Variants in CLASP1 observed in about 807,000 individuals in gnomAD.
The protein encoded by CLASP1 is cytoplasmic linker associated protein 1, also known as CLIP-associating protein 1.
Under a neutral mutation model 192.3 loss-of-function variants are expected in CLASP1, and 38 were observed. The observed-to-expected ratio is 0.20, with a 90% CI of 0.15 to 0.26. The LOEUF (loss-of-function observed/expected upper bound fraction) is 0.26. Ranked by LOEUF, CLASP1 falls within the 10% of genes least tolerant of loss-of-function variation. CLASP1 has a pLI of 1.00. For synonymous variants in CLASP1, 691 were observed against 712.8 expected (o/e 0.97, Z 0.49); for missense variants, 1,433 against 1,932.5 (o/e 0.74, Z 4.85).
intron 12 of CLASP1, chr2:121,459,752 A>G: frequency 2.7e-6 from 1 of 366,790 alleles, no homozygotes; most frequent in East Asian, 4.0e-5. Flanking sequence ...AGTTTGAAAT[A>G]AAGACTTCAG....
intron 34 of CLASP1, among the ~76,000 whole-genome samples, chr2:121,374,543 T>C (rs2069540308): frequency 6.6e-6 from 1 of 152,200 alleles, no homozygotes; most frequent in Non-Finnish European, 1.5e-5. Context: ...TTGCACTGTG[T>C]GCCTGGAAAA....
chr2:121,363,405 T>G, intron 36 of CLASP1, 105 bp from the exon 38 acceptor site: 1 of 1,365,752 alleles, frequency 7.3e-7, no homozygotes, highest in Non-Finnish European at 1.0e-6. Context: ...CTGGGTTCCC[T>G]GGAACCTCGC....
At chr2:121,577,815 C>CT (rs1289622817) in intron 2 of CLASP1, among the ~76,000 whole-genome samples, 9 of 152,108 alleles carry the variant, frequency 5.9e-5, no homozygotes, top group Non-Finnish European at 1.3e-4. Flanking sequence ...TGGTGCATGC[C>CT]TGTGATCCTA....
chr2:121,507,160 C>T (rs978572457), intron 7 of CLASP1, among the ~76,000 whole-genome samples: 2 of 151,874 alleles, frequency 1.3e-5, no homozygotes, highest in African/African-American at 2.4e-5. Flanking sequence ...ATAAATATGT[C>T]GAAAGATCTA....
intron 38 of CLASP1, 138 bp downstream of exon 39, chr2:121,348,374 C>G: frequency 1.4e-6 from 1 of 706,358 alleles, no homozygotes. Flanking sequence ...AGTGTCCCTG[C>G]CACACGGCCT....
At chr2:121,505,059 TATC>T (rs1287545503) in intron 7 of CLASP1, 3 of 152,218 alleles carry the variant, frequency 2.0e-5, no homozygotes, top group African/African-American at 7.2e-5. Flanking sequence ...TCATAAATAA[TATC>T]ATGACACCGG....
rs34423741 is a variant in CLASP1, at chr2:121,555,988, CTTTTTTTTTT to C, written c.196-25673_196-25664del. Among the ~76,000 whole-genome samples, 278 of 42,386 alleles carry C rather than the reference CTTTTTTTTTT, an allele frequency of 6.6e-3. 3 individuals carry two copies. Among genetic ancestry groups the C allele is most frequent in the African/African-American group, 0.029 (264 of 9,080 alleles). 27.8% of individuals were successfully genotyped at this position (42,386 alleles called of 152,430 possible). A position where few individuals can be genotyped will look rare whatever the true frequency, so the allele number is the denominator to read the frequency against. On this transcript the variant is annotated intron_variant, in intron 2 of 39. Coordinates refer to ENST00000263710, the Ensembl canonical transcript of CLASP1. ...CACGGCGCCTGCCCCCTACCCACCGCTTTTTTTTTTTTTTTTTTTTTTTTTTTTTTTTTGA... is the reference window on the plus strand; with the variant it reads ...CACGGCGCCTGCCCCCTACCCACCGCTTTTTTTTTTTTTTTTTTTTTTTGA...
chr2:121,362,052 G>C (rs1356874819), intron 37 of CLASP1, among the ~76,000 whole-genome samples: 1 of 152,154 alleles, frequency 6.6e-6, no homozygotes, highest in Non-Finnish European at 1.5e-5. Context: ...TATGATCTAG[G>C]GTCTGACTCT....
chr2:121,489,210 G>A lies in CLASP1; in HGVS notation c.712+13957C>T, dbSNP rs146158218. On this transcript the variant is annotated intron_variant, in intron 8 of 39. Transcript: ENST00000263710. ...CCTGAAAATAGAATATGATACTTAGGTATGAAATAAAAATATTATCACTGT... is the reference window on the plus strand; with the variant it reads ...CCTGAAAATAGAATATGATACTTAGATATGAAATAAAAATATTATCACTGT... 1.5e-3 allele frequency among the ~76,000 whole-genome samples: 223 copies of A among 152,160 alleles called. 1 individual carries two copies. Among genetic ancestry groups the A allele is most frequent in the African/African-American group, 5.2e-3 (216 of 41,510 alleles).
intron 1 of CLASP1, among the ~76,000 whole-genome samples, chr2:121,630,900 C>A (rs2069438884): frequency 6.6e-6 from 1 of 150,962 alleles, no homozygotes; most frequent in Non-Finnish European, 1.5e-5. Context: ...TGGCTCACGC[C>A]TGTAATCCCA....
chr2:121,471,424 A>T (rs544143782), intron 8 of CLASP1, among the ~76,000 whole-genome samples: 8 of 152,100 alleles, frequency 5.3e-5, no homozygotes, highest in South Asian at 4.2e-4. Context: ...TAATTTAAAT[A>T]AAAAAAACAA....
chr2:121,451,141 C>T (rs923501791), intron 15 of CLASP1, among the ~76,000 whole-genome samples, 151 bp from the exon 16 acceptor site: 10 of 152,240 alleles, frequency 6.6e-5, no homozygotes, highest in African/African-American at 9.6e-5. Context: ...GGGCAAAGCA[C>T]GGCACTCCTA....
intron 33 of CLASP1, among the ~76,000 whole-genome samples, chr2:121,381,072 C>T (rs574707471): frequency 6.6e-6 from 1 of 152,294 alleles, no homozygotes; most frequent in East Asian, 1.9e-4. Flanking sequence ...AAGACAGCAG[C>T]CGTCTCCTCG....
At chr2:121,553,460 T>C (rs1480556881) in intron 2 of CLASP1, among the ~76,000 whole-genome samples, 1 of 152,090 alleles carries the variant, frequency 6.6e-6, no homozygotes, top group East Asian at 1.9e-4. Flanking sequence ...TCCCACCACT[T>C]TGGGAGGCTG....
At chr2:121,353,651 T>C (rs938896334) in intron 37 of CLASP1, among the ~76,000 whole-genome samples, 1 of 152,244 alleles carries the variant, frequency 6.6e-6, no homozygotes, top group Admixed American at 6.5e-5. Flanking sequence ...TCCCTCCCAC[T>C]AGACTAAAAG....
At chr2:121,502,812 G>A (rs1415484833) in intron 8 of CLASP1, among the ~76,000 whole-genome samples, 9 of 152,168 alleles carry the variant, frequency 5.9e-5, no homozygotes, top group Admixed American at 5.9e-4. Context: ...TAGGCATGGG[G>A]AAACAGTAGA....
intron 9 of CLASP1, among the ~76,000 whole-genome samples, chr2:121,467,457 C>T (rs1212307335): frequency 6.6e-6 from 1 of 152,190 alleles, no homozygotes. Context: ...TTCTCCACAA[C>T]CTCGCCAGCA....
rs760742631 is a variant in CLASP1, at chr2:121,402,542, T to C, written c.2734-672A>G. 2.0e-5 allele frequency: 10 copies of C among 511,036 alleles called. No individual in the cohort carries two copies. In the Admixed American group the frequency reaches 2.0e-4, roughly 10 times the overall value. 31.7% of individuals were successfully genotyped at this position (511,036 alleles called of 1,614,324 possible). On this transcript the variant is annotated intron_variant, in intron 26 of 39. Coordinates refer to ENST00000263710, the Ensembl canonical transcript of CLASP1. ...GTCATTCAGCTGTGGGATTCCTGGCTTCACTTACAGGCAGCTAACAAATAC... is the reference window on the plus strand; with the variant it reads ...GTCATTCAGCTGTGGGATTCCTGGCCTCACTTACAGGCAGCTAACAAATAC...
At chr2:121,581,278 T>C (rs956483760) in intron 2 of CLASP1, among the ~76,000 whole-genome samples, 16 of 133,998 alleles carry the variant, frequency 1.2e-4, no homozygotes, top group Admixed American at 5.2e-4. Context: ...TTTTTTTTTT[T>C]TTTTTTTGAG....
Sources: allele counts gnomAD v4.1 joint callset (sites outside exome capture counted in the v4.1 genomes callset), GRCh38; gene constraint gnomAD v4.1.1; transcripts MANE v1.5; gene names NCBI Gene and HGNC (gene_info 2026-07-23, HGNC 2026-07-21).